Variants in VAV3 observed in about 807,000 individuals in gnomAD.
VAV3 encodes the protein vav guanine nucleotide exchange factor 3, also known as guanine nucleotide exchange factor VAV3.
In VAV3, 94 loss-of-function variants were observed where a neutral mutation model predicts 131.2. The ratio of observed to expected loss-of-function variants is 0.72; its 90% CI spans 0.61 to 0.85. The LOEUF (loss-of-function observed/expected upper bound fraction) is 0.85, where lower values mean the gene tolerates loss of function less well. Ranked by LOEUF, VAV3 falls within the 40% of genes least tolerant of loss-of-function variation. VAV3 has a pLI of 0.00. For missense variants in VAV3, 939 were observed against 1,002.7 expected (o/e 0.94, Z 0.86); for synonymous variants, 349 against 342.0 (o/e 1.02, Z -0.22).
chr1:107,761,848 A>C (rs935628766), intron 9 of VAV3, among the ~76,000 whole-genome samples: 3 of 152,234 alleles, frequency 2.0e-5, no homozygotes, highest in African/African-American at 7.2e-5. Flanking sequence ...ATTTGACTTT[A>C]AAACTTTGCT....
intron 2 of VAV3, among the ~76,000 whole-genome samples, chr1:107,793,412 A>G (rs1441945513): frequency 1.3e-5 from 2 of 152,212 alleles, no homozygotes; most frequent in Non-Finnish European, 2.9e-5. Flanking sequence ...CTGACATTTG[A>G]AATATCACCT....
intron 1 of VAV3, among the ~76,000 whole-genome samples, chr1:107,875,885 A>G (rs1290961409): frequency 6.6e-6 from 1 of 152,196 alleles, no homozygotes; most frequent in African/African-American, 2.4e-5. Context: ...TGAGAGGCCT[A>G]TTAGTCATCC....
intron 2 of VAV3, among the ~76,000 whole-genome samples, chr1:107,823,099 A>C (rs1024135141): frequency 6.6e-6 from 1 of 152,170 alleles, no homozygotes; most frequent in Non-Finnish European, 1.5e-5. Flanking sequence ...CCCACTATCC[A>C]ATCGATGAGA....
intron 2 of VAV3, among the ~76,000 whole-genome samples, chr1:107,801,874 G>T (rs1443013927): frequency 6.6e-6 from 1 of 152,058 alleles, no homozygotes; most frequent in Non-Finnish European, 1.5e-5. Flanking sequence ...TTCAATCCAT[G>T]AGCATGGAAT....
chr1:107,639,617 C>T (rs1655184063), intron 20 of VAV3, among the ~76,000 whole-genome samples: 1 of 151,978 alleles, frequency 6.6e-6, no homozygotes, highest in South Asian at 2.1e-4. Context: ...AAATGCAAAT[C>T]AAAACTGCAA....
intron 25 of VAV3, chr1:107,576,478 T>G: frequency 6.7e-7 from 1 of 1,500,280 alleles, no homozygotes. Context: ...AGAGGGGGCT[T>G]TGAGAAAGAA....
At chr1:107,907,373 T>G (rs1433278290) in intron 1 of VAV3, among the ~76,000 whole-genome samples, 1 of 152,192 alleles carries the variant, frequency 6.6e-6, no homozygotes, top group East Asian at 1.9e-4. Context: ...ATATCGTAAG[T>G]GATAAAAGCA....
At chr1:107,585,964 G>A (rs1474026500) in intron 25 of VAV3, among the ~76,000 whole-genome samples, 1 of 152,144 alleles carries the variant, frequency 6.6e-6, no homozygotes, top group African/African-American at 2.4e-5. Context: ...AGAGCCAGTG[G>A]CTGGTGTCAG....
At chr1:107,668,778 T>C (rs1021576011) in intron 19 of VAV3, 2 of 984,468 alleles carry the variant, frequency 2.0e-6, no homozygotes, top group South Asian at 9.4e-5. Context: ...GAATTTCTAA[T>C]GTCTAACATT....
chr1:107,906,400 C>T (rs1347201892), intron 1 of VAV3, among the ~76,000 whole-genome samples: 1 of 152,188 alleles, frequency 6.6e-6, no homozygotes, highest in East Asian at 1.9e-4. Flanking sequence ...CACGGTGGCT[C>T]ACGCCTGTAA....
intron 1 of VAV3, among the ~76,000 whole-genome samples, chr1:107,923,049 A>G (rs1344656049): frequency 6.6e-6 from 1 of 151,788 alleles, no homozygotes; most frequent in East Asian, 1.9e-4. Context: ...GGGAGTGAAC[A>G]TTTCCATCAC....
At chr1:107,718,498 A>C (rs1661264942) in intron 15 of VAV3, among the ~76,000 whole-genome samples, 1 of 152,194 alleles carries the variant, frequency 6.6e-6, no homozygotes, top group African/African-American at 2.4e-5. Context: ...TCCAACTTAC[A>C]AGGGATGTGA....
At chr1:107,885,179 G>C (rs1186309651) in intron 1 of VAV3, among the ~76,000 whole-genome samples, 3 of 152,146 alleles carry the variant, frequency 2.0e-5, no homozygotes, top group African/African-American at 7.2e-5. Context: ...CCCAGAAGGA[G>C]GGGAGCTGGG....
intron 1 of VAV3, among the ~76,000 whole-genome samples, chr1:107,880,533 T>A (rs1042844556): frequency 9.2e-5 from 14 of 152,100 alleles, no homozygotes; most frequent in African/African-American, 3.4e-4. Context: ...CGGTGGCTCA[T>A]GTCTGTAATC....
At chr1:107,738,784 A>C (rs892299150) in intron 15 of VAV3, among the ~76,000 whole-genome samples, 1 of 152,122 alleles carries the variant, frequency 6.6e-6, no homozygotes, top group African/African-American at 2.4e-5. Context: ...TGCAGTGGAG[A>C]CTTTGTCATA....
intron 1 of VAV3, among the ~76,000 whole-genome samples, chr1:107,951,911 G>GTGA (rs760696538): frequency 1.5e-4 from 23 of 152,070 alleles, no homozygotes; most frequent in Admixed American, 8.5e-4. Context: ...AGACAGTGTG[G>GTGA]TGATGCCTCA....
intron 1 of VAV3, among the ~76,000 whole-genome samples, chr1:107,888,420 C>G (rs1259375717): frequency 1.3e-5 from 2 of 152,174 alleles, no homozygotes; most frequent in Non-Finnish European, 2.9e-5. Context: ...TTTCTCAATG[C>G]CTTTCAGCAG....
In VAV3 at chr1:107,877,923, C is replaced by T. The variant is rs191201697; in HGVS notation, c.205-2906G>A. Among the ~76,000 whole-genome samples, 268 of 152,212 alleles carry T rather than the reference C, an allele frequency of 1.8e-3. 1 individual carries two copies. The highest frequency in any genetic ancestry group is 3.7e-3 in the Admixed American group (57 of 15,284). Reference sequence around the variant, plus strand: ...ATGCTCACAAGTGTGTGGCTCTGTGCACATATAGGAACAGAGCTGAGGAAT... The same window carrying T: ...ATGCTCACAAGTGTGTGGCTCTGTGTACATATAGGAACAGAGCTGAGGAAT... On this transcript the variant is annotated intron_variant, in intron 1 of 26. Coordinates refer to ENST00000370056, the MANE Select transcript of VAV3 (RefSeq NM_006113.5).
chr1:107,735,677 T>C (rs1278358430), intron 15 of VAV3, among the ~76,000 whole-genome samples: 1 of 152,198 alleles, frequency 6.6e-6, no homozygotes, highest in Non-Finnish European at 1.5e-5. Context: ...AATTCCTGAA[T>C]AGACCAATAA....
Sources: gnomAD v4.1 joint callset for allele counts (sites outside exome capture counted in the v4.1 genomes callset) on GRCh38, gnomAD v4.1.1 for gene constraint, MANE v1.5 for transcripts, NCBI Gene and HGNC (gene_info 2026-07-23, HGNC 2026-07-21) for gene names.